The following RBFOX1 variants were observed in gnomAD, a reference collection of about 807,000 sequenced individuals.
The protein encoded by RBFOX1 is RNA binding fox-1 homolog 1, also known as RNA binding protein fox-1 homolog 1.
Under a neutral mutation model 57.7 loss-of-function variants are expected in RBFOX1, and 8 were observed. The ratio of observed to expected loss-of-function variants is 0.14; its 90% CI spans 0.08 to 0.25. The LOEUF (loss-of-function observed/expected upper bound fraction) is 0.25. Among genes scored for constraint, RBFOX1 ranks in the 10% least tolerant of loss-of-function variants. The probability of loss-of-function intolerance (pLI) is 1.00; values close to 1 mark genes in which losing one functional copy is unlikely to be tolerated. For missense variants in RBFOX1, 611 were observed against 548.5 expected (o/e 1.11, Z -1.14); for synonymous variants, 326 against 222.4 (o/e 1.47, Z -4.15).
At chr16:7,533,636 C>G (rs1280232335) in intron 5 of RBFOX1, among the ~76,000 whole-genome samples, 2 of 152,174 alleles carry the variant, frequency 1.3e-5, no homozygotes, top group African/African-American at 4.8e-5. Context: ...CTCTTTTATA[C>G]TGAAGTGTCA....
intron 1 of RBFOX1, among the ~76,000 whole-genome samples, chr16:6,199,384 T>C (rs2097200886): frequency 2.0e-5 from 3 of 152,324 alleles, no homozygotes; most frequent in Admixed American, 2.0e-4. Context: ...TCAAATGAGC[T>C]GTGACCATAG....
intron 3 of RBFOX1, among the ~76,000 whole-genome samples, chr16:5,631,060 A>C (rs1195478633): frequency 6.6e-6 from 1 of 152,230 alleles, no homozygotes; most frequent in Non-Finnish European, 1.5e-5. Context: ...TGGCCAAACC[A>C]GTCCCCAAAA....
Position 5,544,951 on chromosome 16 carries a change from C to CTTTTTTTTTT in RBFOX1, c.259-53917_259-53908dup, listed in dbSNP as rs59873374. 1.4e-3 allele frequency among the ~76,000 whole-genome samples: 179 copies of CTTTTTTTTTT among 124,348 alleles called. 13 individuals carry two copies. Among genetic ancestry groups the CTTTTTTTTTT allele is most frequent in the African/African-American group, 2.1e-3 (60 of 29,006 alleles). 81.6% of individuals were successfully genotyped at this position (124,348 alleles called of 152,430 possible). On this transcript the variant is annotated intron_variant, in intron 2 of 2. Coordinates refer to the RBFOX1 transcript ENST00000585867. ...GTATAGATGGCCTTACTATTACATT[C>CTTTTTTTTTT]TTTTTTTTTTTTTTTTTTTTTTTTT...
At chr16:5,939,979 C>G (rs529645804) in intron 4 of RBFOX1, among the ~76,000 whole-genome samples, 1 of 152,342 alleles carries the variant, frequency 6.6e-6, no homozygotes, top group East Asian at 1.9e-4. Context: ...TTTACCCTCT[C>G]TGAGCTTCAG....
intron 1 of RBFOX1, among the ~76,000 whole-genome samples, chr16:6,288,882 C>G (rs1301746505): frequency 1.3e-5 from 2 of 152,016 alleles, no homozygotes; most frequent in African/African-American, 2.4e-5. Context: ...CTAGTGGAAC[C>G]AACAGCGAAT....
At chr16:7,574,403 T>C (rs1245382121) in intron 5 of RBFOX1, among the ~76,000 whole-genome samples, 1 of 152,158 alleles carries the variant, frequency 6.6e-6, no homozygotes, top group Non-Finnish European at 1.5e-5. Context: ...AGTCCCACAA[T>C]AGGCCCTCTG....
chr16:5,719,829 G>A (rs1395163784), intron 3 of RBFOX1, among the ~76,000 whole-genome samples: 2 of 152,066 alleles, frequency 1.3e-5, no homozygotes, highest in Non-Finnish European at 2.9e-5. Context: ...GGTTGTTTCC[G>A]TGTTTGGCTA....
At chr16:5,805,730 C>T (rs1181276859) in intron 3 of RBFOX1, among the ~76,000 whole-genome samples, 1 of 152,144 alleles carries the variant, frequency 6.6e-6, no homozygotes, top group Non-Finnish European at 1.5e-5. Flanking sequence ...ATGTGGCTTT[C>T]AGTAATGAGT....
intron 3 of RBFOX1, among the ~76,000 whole-genome samples, chr16:5,608,806 T>C (rs895463868): frequency 2.0e-5 from 3 of 152,152 alleles, no homozygotes; most frequent in Non-Finnish European, 4.4e-5. Context: ...GAATCTAATT[T>C]TGAGCCCAGA....
rs77229680 is a variant in RBFOX1, at chr16:5,991,592, A to G, written c.351+124257A>G. Reference sequence around the variant, plus strand: ...ATGATCGCAGTGGAGCAATTGCACAAGGAGAAACTCCTCATCGAAAAGATG... The same window carrying G: ...ATGATCGCAGTGGAGCAATTGCACAGGGAGAAACTCCTCATCGAAAAGATG... On this transcript the variant is annotated intron_variant, in intron 4 of 19. Transcript: ENST00000641259. Among the ~76,000 whole-genome samples the G allele has an allele frequency of 8.6e-3, 1,313 of 152,068 alleles. 33 individuals are homozygous for G. Among genetic ancestry groups the G allele is most frequent in the Admixed American group, 0.042 (648 of 15,270 alleles).
chr16:6,705,067 C>G (rs1211474048), intron 3 of RBFOX1: 1 of 152,014 alleles, frequency 6.6e-6, no homozygotes. Flanking sequence ...CACTAAGCAG[C>G]TTGATGGTCA....
chr16:6,795,996 C>T (rs1302980149), intron 3 of RBFOX1, among the ~76,000 whole-genome samples: 5 of 152,022 alleles, frequency 3.3e-5, no homozygotes, highest in Admixed American at 6.6e-5. Flanking sequence ...TTTAAAATAT[C>T]ATGGTTACTG....
intron 4 of RBFOX1, among the ~76,000 whole-genome samples, chr16:7,193,497 C>G (rs2085934551): frequency 2.6e-5 from 4 of 152,194 alleles, no homozygotes; most frequent in Admixed American, 2.0e-4. Flanking sequence ...CAGTATCAAG[C>G]TAATACAGGC....
At chr16:6,270,638 A>T (rs1404245202) in intron 1 of RBFOX1, among the ~76,000 whole-genome samples, 1 of 152,200 alleles carries the variant, frequency 6.6e-6, no homozygotes, top group Non-Finnish European at 1.5e-5. Context: ...AATTATAGTC[A>T]GAGGCTAAAC....
intron 2 of RBFOX1, among the ~76,000 whole-genome samples, chr16:6,558,092 T>A (rs180680271): frequency 2.1e-4 from 32 of 152,182 alleles, no homozygotes; most frequent in African/African-American, 7.7e-4. Context: ...TAAATTAATA[T>A]TAAGTTATTA....
At chr16:6,965,290 C>G (rs1568120846) in intron 3 of RBFOX1, among the ~76,000 whole-genome samples, 2 of 151,650 alleles carry the variant, frequency 1.3e-5, no homozygotes, top group African/African-American at 2.4e-5. Context: ...CAAACATAAA[C>G]AAATCCAATT....
At chr16:5,308,906 C>G (rs1238081042) in intron 1 of RBFOX1, among the ~76,000 whole-genome samples, 1 of 152,148 alleles carries the variant, frequency 6.6e-6, no homozygotes. Flanking sequence ...ATTGTGTTTT[C>G]AGCTCTGTGT....
chr16:5,692,608 C>T (rs1385199731), intron 3 of RBFOX1, among the ~76,000 whole-genome samples: 2 of 152,078 alleles, frequency 1.3e-5, no homozygotes, highest in East Asian at 1.9e-4. Context: ...ATTTGTTATG[C>T]AGCAATAGAA....
intron 2 of RBFOX1, among the ~76,000 whole-genome samples, chr16:6,416,619 G>T (rs1247984744): frequency 1.3e-5 from 2 of 152,106 alleles, no homozygotes; most frequent in Non-Finnish European, 2.9e-5. Flanking sequence ...TATGTCCTCA[G>T]TAAGAACCCC....
Sources: gnomAD v4.1 joint callset for allele counts (sites outside exome capture counted in the v4.1 genomes callset) on GRCh38, gnomAD v4.1.1 for gene constraint, MANE v1.5 for transcripts, NCBI Gene and HGNC (gene_info 2026-07-23, HGNC 2026-07-21) for gene names.